POLR3B: variants seen among roughly 807,000 people sequenced by gnomAD.
POLR3B encodes RNA polymerase III subunit B.
Under a neutral mutation model 147.4 loss-of-function variants are expected in POLR3B, and 96 were observed. That is an observed-to-expected ratio of 0.65 (90% CI 0.55 to 0.77). POLR3B has a LOEUF of 0.77. Among genes scored for constraint, POLR3B ranks in the 30% least tolerant of loss-of-function variants. The pLI is 0.00. For synonymous variants in POLR3B, 461 were observed against 485.9 expected, an observed-to-expected ratio of 0.95 and a Z score of 0.67; for missense variants, 1,036 against 1,413.5, an observed-to-expected ratio of 0.73 and a Z score of 4.28.
Position 106,430,482 on chromosome 12 carries a change from T to A in POLR3B, c.1464+9T>A. The A allele has an allele frequency of 6.2e-7, 1 of 1,607,674 alleles. No individual in the cohort carries two copies. The highest frequency in any genetic ancestry group is 1.1e-5 in the South Asian group (1 of 90,928). On this transcript the variant is annotated intron_variant, in intron 14 of 27. Transcript: ENST00000228347. The stretch of plus-strand genomic sequence containing the variant: ...ACACTCCTGAAGGAGAGGTAAGGAA[T>A]CTGAGGAGTCTTGATGCTGTGTAAG...
chr12:106,417,787 A>G (rs1052995805), intron 12 of POLR3B, among the ~76,000 whole-genome samples: 1 of 152,062 alleles, frequency 6.6e-6, no homozygotes, highest in African/African-American at 2.4e-5. Context: ...TCCCATTTTT[A>G]CTATTTTTTA....
intron 12 of POLR3B, among the ~76,000 whole-genome samples, chr12:106,414,125 C>T (rs1335108725): frequency 6.8e-6 from 1 of 145,990 alleles, no homozygotes; most frequent in Non-Finnish European, 1.5e-5. Context: ...TCAGGTGGAC[C>T]ACTATTTTTA....
At chr12:106,471,424 G>A (rs2137045849) in intron 23 of POLR3B, among the ~76,000 whole-genome samples, 1 of 152,226 alleles carries the variant, frequency 6.6e-6, no homozygotes, top group East Asian at 1.9e-4. Flanking sequence ...CACTTCCCAG[G>A]TGAGGTGACA....
Position 106,457,157 on chromosome 12 carries a change from A to G in POLR3B, c.2313A>G (p.Val771=). The G allele has an allele frequency of 1.9e-6, 3 of 1,613,494 alleles. No individual in the cohort carries two copies. Among genetic ancestry groups the G allele is most frequent in the Non-Finnish European group, 1.7e-6 (2 of 1,179,558 alleles). The change falls in exon 21 of 28, where the codon GTA becomes GTG. Residue 771 remains valine (V), a synonymous_variant. Transcript: ENST00000228347. The stretch of plus-strand genomic sequence containing the variant: ...TTTTAGGCTTTGGGCGTTGCCTTGT[A>G]TATAAAAATGCTAAATGTACGTTGA... ...SLDRGFGRCL[V]YKNAKCTLKR...
chr12:106,457,150 G>T lies in POLR3B; in HGVS notation c.2306G>T (p.Cys769Phe). The T allele has an allele frequency of 6.2e-7, 1 of 1,613,162 alleles. No homozygotes were observed. Among genetic ancestry groups the T allele is most frequent in the Non-Finnish European group, 8.5e-7 (1 of 1,179,342 alleles). Residue 769 changes from cysteine to phenylalanine, a missense_variant, in exon 21 of 28, where the codon TGC becomes TTC. Coordinates refer to ENST00000228347, the MANE Select transcript of POLR3B (RefSeq NM_018082.6). ...KASLDRGFGR[C>F]LVYKNAKCTL... ...GGTTTCATTTTAGGCTTTGGGCGTT[G>T]CCTTGTATATAAAAATGCTAAATGT... is the stretch of plus-strand genomic sequence containing the variant.
At position 106,357,928 on chromosome 12, in the gene POLR3B, G is replaced by A. The variant is rs1158217192; in HGVS notation, c.49G>A (p.Ala17Thr). The change falls in exon 1 of 28, where the codon GCG becomes ACG. Residue 17 changes from alanine to threonine, a missense_variant. By Grantham distance (58) the Ala-to-Thr change is moderately conservative. Around this residue, in one of 12 missense-constraint regions of POLR3B, gnomAD observed 150 missense variants for 145.5 expected, o/e 1.03. Coordinates refer to ENST00000228347, the MANE Select transcript of POLR3B (RefSeq NM_018082.6). ...EFGNLTPEQL[A>T]APIPTVEEKW... ...TGGGAACCTGACTCCGGAGCAGCTG[G>A]CGGCGCCGATCCCGACTGTAGAGGT... 2.5e-6 allele frequency: 4 copies of A among 1,613,326 alleles called. 1 individual carries two copies. The South Asian group carries it at 4.4e-5, about 18-fold the overall frequency.
At chr12:106,456,994 G>A (rs2037873017) in intron 20 of POLR3B, 144 bp from the exon 21 acceptor site, 8 of 735,498 alleles carry the variant, frequency 1.1e-5, no homozygotes, top group Non-Finnish European at 2.0e-5. Flanking sequence ...GGTTTGTACT[G>A]GTCCCAGATT....
At chr12:106,453,349 T>C (rs534082958) in intron 19 of POLR3B, among the ~76,000 whole-genome samples, 4 of 152,200 alleles carry the variant, frequency 2.6e-5, no homozygotes, top group Non-Finnish European at 4.4e-5. Context: ...GAAATCATCA[T>C]TGATTTAATG....
Position 106,405,870 on chromosome 12 carries a change from T to C in POLR3B, c.860T>C (p.Ile287Thr), listed in dbSNP as rs771028048. ...IFTQMQALKY[I>T]GNKVRRQRMW... ...TGTTTTTTATAGGCATTAAAATATA[T>C]AGGGAACAAAGTAAGAAGGCAAAGG... Residue 287 changes from isoleucine (I) to threonine (T), a missense_variant, in exon 11 of 28, where the codon ATA becomes ACA. Ile to Thr is a moderately conservative substitution (Grantham distance 89). Transcript: ENST00000228347. 3.7e-6 allele frequency: 6 copies of C among 1,613,160 alleles called. No individual in the cohort carries two copies. The Admixed American group carries it at 8.3e-5, about 22-fold the overall frequency.
chr12:106,358,175 C>T, intron 1 of POLR3B: 1 of 1,434,572 alleles, frequency 7.0e-7, no homozygotes, highest in South Asian at 1.5e-5. Context: ...GCTGCGGGGG[C>T]CGAGAAGCCC....
At chr12:106,493,454 T>A (rs1440252091) in intron 23 of POLR3B, among the ~76,000 whole-genome samples, 2 of 152,198 alleles carry the variant, frequency 1.3e-5, no homozygotes, top group African/African-American at 4.8e-5. Context: ...CTACCCCTAA[T>A]GAATTCAGTA....
At chr12:106,387,359 C>T (rs1200874245) in intron 9 of POLR3B, among the ~76,000 whole-genome samples, 1 of 152,102 alleles carries the variant, frequency 6.6e-6, no homozygotes, top group African/African-American at 2.4e-5. Flanking sequence ...TCATTTTTTT[C>T]CCCAAGGCTT....
chr12:106,477,035 G>A (rs1332026621), intron 23 of POLR3B, among the ~76,000 whole-genome samples: 1 of 148,426 alleles, frequency 6.7e-6, no homozygotes, highest in Non-Finnish European at 1.5e-5. Flanking sequence ...GTGATGTACA[G>A]ATGGGTTTTT....
chr12:106,496,107 C>T lies in POLR3B; in HGVS notation c.2766C>T (p.Gly922=). 6.2e-7 allele frequency: 1 copy of T among 1,613,068 alleles called. No individual in the cohort carries two copies. The highest frequency in any genetic ancestry group is 8.5e-7 in the Non-Finnish European group (1 of 1,178,992). Residue 922 remains glycine (G), a synonymous_variant, in exon 24 of 28, where the codon GGC becomes GGT. Coordinates refer to ENST00000228347, the MANE Select transcript of POLR3B (RefSeq NM_018082.6). ...PQEDMPFCDS[G]ICPDIIMNPH... ...AAGACATGCCATTTTGTGATTCTGG[C>T]ATCTGTCCGGACATCATCATGAACC...
At chr12:106,438,831 T>C (rs2037612884) in intron 18 of POLR3B, among the ~76,000 whole-genome samples, 1 of 140,206 alleles carries the variant, frequency 7.1e-6, no homozygotes, top group Non-Finnish European at 1.5e-5. Flanking sequence ...CATAGTCTGT[T>C]CAAAAACTCT....
intron 18 of POLR3B, among the ~76,000 whole-genome samples, chr12:106,443,725 T>C (rs1218962003): frequency 6.6e-6 from 1 of 152,146 alleles, no homozygotes; most frequent in Admixed American, 6.5e-5. Context: ...TTCACTGTGT[T>C]GGCTAGGCTG....
intron 23 of POLR3B, among the ~76,000 whole-genome samples, chr12:106,469,350 T>C (rs377184928): frequency 1.7e-4 from 25 of 150,896 alleles, no homozygotes; most frequent in Middle Eastern, 6.9e-3. Context: ...TGTCTCTGCA[T>C]GTGAGATGGG....
intron 23 of POLR3B, among the ~76,000 whole-genome samples, chr12:106,480,596 A>T (rs1442716226): frequency 6.6e-6 from 1 of 152,328 alleles, no homozygotes; most frequent in South Asian, 2.1e-4. Flanking sequence ...TCTCAGATCA[A>T]GTACTCAAGT....
intron 23 of POLR3B, among the ~76,000 whole-genome samples, chr12:106,468,447 T>C (rs1026683991): frequency 7.9e-5 from 12 of 152,330 alleles, no homozygotes; most frequent in Admixed American, 7.2e-4. Context: ...TGTCTCTATC[T>C]CCTTCAGTTC....
Sources: gnomAD v4.1 joint callset for allele counts (sites outside exome capture counted in the v4.1 genomes callset) on GRCh38, gnomAD v4.1.1 for gene constraint, gnomAD v4.1.1 regional missense constraint, MANE v1.5 for transcripts, NCBI Gene and HGNC (gene_info 2026-07-23, HGNC 2026-07-21) for gene names.